ORC5: variants seen among roughly 807,000 people sequenced by gnomAD.
The protein encoded by ORC5 is protein phosphatase 1, regulatory subunit 117.
In ORC5, 39 loss-of-function variants were observed where a neutral mutation model predicts 58.8. The observed-to-expected ratio is 0.66, with a 90% CI of 0.51 to 0.87. The LOEUF (loss-of-function observed/expected upper bound fraction) is 0.87, where lower values mean the gene tolerates loss of function less well. Among genes scored for constraint, ORC5 ranks in the 40% least tolerant of loss-of-function variants. The pLI is 0.00. For synonymous variants in ORC5, 218 were observed against 177.6 expected (o/e 1.23, Z -1.81); for missense variants, 493 against 506.3 (o/e 0.97, Z 0.25).
intron 8 of ORC5, among the ~76,000 whole-genome samples, chr7:104,176,921 C>A (rs907921920): frequency 5.3e-5 from 8 of 152,120 alleles, no homozygotes; most frequent in African/African-American, 1.9e-4. Flanking sequence ...AAACTATAAA[C>A]TCAGCCTAAA....
chr7:104,139,769 C>G lies in ORC5; in HGVS notation c.1150-2876G>C, dbSNP rs569483286. 4.6e-5 allele frequency among the ~76,000 whole-genome samples: 7 copies of G among 151,980 alleles called. No homozygotes were observed. In the East Asian group the frequency reaches 1.4e-3, roughly 29 times the overall value. ...ATATGTATTTTGCAAATGTTATGTTCTTTGTTACATGTCTATTGCTTTGTT... is the reference window on the plus strand; with the variant it reads ...ATATGTATTTTGCAAATGTTATGTTGTTTGTTACATGTCTATTGCTTTGTT... On this transcript the variant is annotated intron_variant, in intron 12 of 13. Coordinates refer to ENST00000297431, the MANE Select transcript of ORC5 (RefSeq NM_002553.4).
intron 3 of ORC5, among the ~76,000 whole-genome samples, chr7:104,199,695 A>C (rs1799892321): frequency 6.6e-6 from 1 of 152,144 alleles, no homozygotes; most frequent in South Asian, 2.1e-4. Flanking sequence ...ATCTCAGATG[A>C]GACTTTGGAC....
intron 11 of ORC5, among the ~76,000 whole-genome samples, chr7:104,162,385 C>T (rs940398559): frequency 5.3e-5 from 8 of 152,142 alleles, no homozygotes; most frequent in Admixed American, 4.6e-4. Context: ...TAGTCTCGAA[C>T]TTCTGACCTG....
intron 5 of ORC5, among the ~76,000 whole-genome samples, chr7:104,190,694 T>A (rs969242127): frequency 3.3e-5 from 5 of 152,038 alleles, no homozygotes; most frequent in African/African-American, 1.2e-4. Flanking sequence ...AATGCTCTCC[T>A]TAGACTTCTT....
Position 104,200,886 on chromosome 7 carries a change from A to G in ORC5, c.238T>C (p.Leu80=), listed in dbSNP as rs147166038. The stretch of plus-strand genomic sequence containing the variant: ...TCCTCTGAAGAACTAAGATGATTCA[A>G]TTTGTTTAAAATTTGTTCCAAAAGC... ...RLLLEQILNK[L]NHLSSSEDGC... is the part of the protein sequence containing the mutation. The change falls in exon 3 of 14, where the codon TTG becomes CTG. Residue 80 remains leucine, a synonymous_variant. Coordinates refer to ENST00000297431, the MANE Select transcript of ORC5 (RefSeq NM_002553.4). 9.4e-5 allele frequency: 151 copies of G among 1,613,530 alleles called. No individual in the cohort carries two copies. The highest frequency in any genetic ancestry group is 3.3e-4 in the Middle Eastern group (2 of 6,078).
intron 1 of ORC5, among the ~76,000 whole-genome samples, chr7:104,204,535 G>T (rs1349333869): frequency 6.6e-6 from 1 of 152,096 alleles, no homozygotes; most frequent in Non-Finnish European, 1.5e-5. Flanking sequence ...CTTCATAGCA[G>T]ATTTAAGAGA....
At chr7:104,137,996 G>A (rs926559797) in intron 12 of ORC5, among the ~76,000 whole-genome samples, 18 of 152,192 alleles carry the variant, frequency 1.2e-4, no homozygotes, top group Non-Finnish European at 2.6e-4. Flanking sequence ...CACGCCCACT[G>A]CGGCTTCAGG....
chr7:104,168,308 T>C (rs1434173402), intron 9 of ORC5, 165 bp downstream of exon 9: 2 of 1,204,292 alleles, frequency 1.7e-6, no homozygotes, highest in Non-Finnish European at 2.1e-6. Flanking sequence ...AATTAGAGCT[T>C]CAGTTAAAGA....
At chr7:104,161,023 C>T (rs1298663181) in intron 12 of ORC5, 49 bp downstream of exon 12, 4 of 1,022,058 alleles carry the variant, frequency 3.9e-6, no homozygotes, top group African/African-American at 1.6e-5. Flanking sequence ...ACTCTACTAT[C>T]TGAAGAATCC....
chr7:104,207,960 A>G lies in ORC5; in HGVS notation c.-56T>C, dbSNP rs936401007. On this transcript the variant is annotated 5_prime_UTR_variant, in exon 1 of 14. Coordinates refer to ENST00000297431, the MANE Select transcript of ORC5 (RefSeq NM_002553.4). ...AGCCAGCCCACAGGACCCTTGCACA[A>G]GACGGAGCCTCTCCCGAGTCTGGCG... 3 of 1,527,508 alleles carry G rather than the reference A, an allele frequency of 2.0e-6. No homozygotes were observed. Among genetic ancestry groups the G allele is most frequent in the Non-Finnish European group, 2.7e-6 (3 of 1,103,386 alleles). The allele number at this position is 1,527,508 out of a possible 1,614,324, so 94.6% of individuals were successfully genotyped here.
chr7:104,205,591 G>A (rs1800059659), intron 1 of ORC5, among the ~76,000 whole-genome samples: 1 of 152,070 alleles, frequency 6.6e-6, no homozygotes, highest in Admixed American at 6.6e-5. Context: ...CTTTCTAAAT[G>A]GCATACAGCT....
chr7:104,142,049 C>G (rs1798682419), intron 12 of ORC5, among the ~76,000 whole-genome samples: 1 of 152,064 alleles, frequency 6.6e-6, no homozygotes, highest in Admixed American at 6.6e-5. Context: ...AACAGACACA[C>G]AGATCCACAG....
At chr7:104,160,196 T>C (rs982456338) in intron 12 of ORC5, among the ~76,000 whole-genome samples, 2 of 152,182 alleles carry the variant, frequency 1.3e-5, no homozygotes, top group Non-Finnish European at 2.9e-5. Context: ...ATTGAGATTA[T>C]ATTTGTTACT....
chr7:104,178,381 C>G (rs1463781746), intron 8 of ORC5, among the ~76,000 whole-genome samples: 1 of 152,192 alleles, frequency 6.6e-6, no homozygotes, highest in Non-Finnish European at 1.5e-5. Context: ...AGTGTCTGTT[C>G]ATATCCTTTG....
In ORC5 at chr7:104,133,247, GATCA is replaced by G. The variant is rs1389317758; in HGVS notation, c.1262+3530_1262+3533del. 3.3e-5 allele frequency among the ~76,000 whole-genome samples: 5 copies of G among 152,280 alleles called. No individual in the cohort carries two copies. The South Asian group carries it at 8.3e-4, about 25-fold the overall frequency. On this transcript the variant is annotated intron_variant, in intron 13 of 13. Transcript: ENST00000297431. The surrounding 1 kb of genome is among the most constrained non-coding windows in gnomAD (Gnocchi z 4.7). ...TATAAGAGGATAAGAGCAGACAGAA[GATCA>G]ATTAGACTGTTAGAGAAGAGATGAT...
In ORC5 at chr7:104,138,127, G is replaced by A. The variant is rs1798619581; in HGVS notation, c.1150-1234C>T. On this transcript the variant is annotated intron_variant, in intron 12 of 13. Coordinates refer to ENST00000297431, the MANE Select transcript of ORC5 (RefSeq NM_002553.4). The surrounding 1 kb of genome is among the most constrained non-coding windows in gnomAD (Gnocchi z 4.7). ...CTGAAGAAGCAAGCCACTACCCCTG[G>A]AAGGGGGACAAGGGAACTTTTCCTG... is the stretch of plus-strand genomic sequence containing the variant. Among the ~76,000 whole-genome samples, 1 of 152,200 alleles carries A rather than the reference G, an allele frequency of 6.6e-6. No individual in the cohort carries two copies. The highest frequency in any genetic ancestry group is 1.5e-5 in the Non-Finnish European group (1 of 68,036).
At chr7:104,146,795 A>C (rs540953744) in intron 12 of ORC5, among the ~76,000 whole-genome samples, 1 of 152,304 alleles carries the variant, frequency 6.6e-6, no homozygotes, top group South Asian at 2.1e-4. Context: ...AGACATACAC[A>C]AAAGAATACA....
intron 8 of ORC5, among the ~76,000 whole-genome samples, chr7:104,174,637 G>A (rs547886472): frequency 1.3e-5 from 2 of 152,244 alleles, no homozygotes; most frequent in African/African-American, 4.8e-5. Flanking sequence ...GCTAATAATT[G>A]GTCACAGCTG....
intron 13 of ORC5, among the ~76,000 whole-genome samples, chr7:104,128,109 AC>A (rs1562799934): frequency 1.3e-5 from 2 of 152,190 alleles, no homozygotes; most frequent in African/African-American, 4.8e-5. Flanking sequence ...GCACCAAAGT[AC>A]TTTTGACACA....
Sources: gnomAD v4.1 joint callset for allele counts (sites outside exome capture counted in the v4.1 genomes callset) on GRCh38, gnomAD v4.1.1 for gene constraint, Gnocchi (gnomAD v3.1) non-coding constraint, MANE v1.5 for transcripts, NCBI Gene and HGNC (gene_info 2026-07-23, HGNC 2026-07-21) for gene names.